The following PCDH11X variants were observed in gnomAD, a reference collection of about 807,000 sequenced individuals.
The protein encoded by PCDH11X is protocadherin 11 X-linked, also known as protocadherin-11 X-linked.
PCDH11X carries 18 observed loss-of-function variants against 53.3 expected under a neutral mutation model. The ratio of observed to expected loss-of-function variants is 0.34; its 90% CI spans 0.23 to 0.50. The LOEUF is 0.50. Among genes scored for constraint, PCDH11X ranks in the 20% least tolerant of loss-of-function variants. The probability of loss-of-function intolerance (pLI) is 0.98; values close to 1 mark genes in which losing one functional copy is unlikely to be tolerated. For missense variants in PCDH11X, 570 were observed against 1,032.4 expected (o/e 0.55, Z 6.14); for synonymous variants, 279 against 393.3 (o/e 0.71, Z 3.44).
At chrX:91,841,313 C>T (rs1023506116) in intron 5 of PCDH11X, among the ~76,000 whole-genome samples, 7 of 111,555 alleles carry the variant, frequency 6.3e-5, no homozygotes, top group African/African-American at 2.3e-4. Flanking sequence ...TATTAAAAAT[C>T]CCACAGTATG....
At chrX:92,025,380 C>G (rs1404286549) in intron 6 of PCDH11X, among the ~76,000 whole-genome samples, 2 of 103,590 alleles carry the variant, frequency 1.9e-5, no homozygotes, top group African/African-American at 7.0e-5. Context: ...ACAACCCCAT[C>G]AAAAAGTGGA....
At chrX:92,273,502 C>CTCAG (rs1221441893) in intron 8 of PCDH11X, among the ~76,000 whole-genome samples, 2 of 110,958 alleles carry the variant, frequency 1.8e-5, no homozygotes, top group Non-Finnish European at 3.8e-5. Flanking sequence ...TTGGCTTGGG[C>CTCAG]TCAGAGGCCT....
At chrX:92,511,945 G>A (rs1296057093) in intron 10 of PCDH11X, among the ~76,000 whole-genome samples, 3 of 105,721 alleles carry the variant, frequency 2.8e-5, no homozygotes, top group Non-Finnish European at 5.8e-5. Flanking sequence ...GCCTTTATCC[G>A]TGGCATCACA....
chrX:92,369,288 C>T (rs1389962335), intron 8 of PCDH11X, among the ~76,000 whole-genome samples: 2 of 109,906 alleles, frequency 1.8e-5, no homozygotes, highest in Non-Finnish European at 3.8e-5. Flanking sequence ...GCCCAGTCCA[C>T]ACCTCCCAGC....
chrX:92,378,424 A>G (rs1399788242), intron 8 of PCDH11X, among the ~76,000 whole-genome samples: 1 of 109,672 alleles, frequency 9.1e-6, no homozygotes. Flanking sequence ...TGATCATATT[A>G]AAATGCCAAA....
At chrX:91,899,666 C>T (rs1218239737) in intron 6 of PCDH11X, among the ~76,000 whole-genome samples, 1 of 110,696 alleles carries the variant, frequency 9.0e-6, no homozygotes, top group African/African-American at 3.3e-5. Context: ...ACACCAATCC[C>T]CAACCTAAAT....
intron 6 of PCDH11X, among the ~76,000 whole-genome samples, chrX:91,975,265 A>C (rs2062031370): frequency 8.9e-6 from 1 of 112,105 alleles, no homozygotes; most frequent in Non-Finnish European, 1.9e-5. Context: ...TGTGAAATGT[A>C]AGAAAAATAG....
chrX:92,395,884 A>T (rs182610913), intron 9 of PCDH11X, among the ~76,000 whole-genome samples: 1,451 of 109,053 alleles, frequency 0.013, 26 homozygotes, highest in African/African-American at 0.046. Context: ...CATTATCATC[A>T]CTCAAGGGGA....
At chrX:92,253,672 T>C (rs2067504205) in intron 7 of PCDH11X, among the ~76,000 whole-genome samples, 1 of 111,901 alleles carries the variant, frequency 8.9e-6, no homozygotes, top group Middle Eastern at 4.7e-3. Flanking sequence ...GTTAAGTTAA[T>C]TTCTGGATTT....
chrX:92,063,985 A>T, intron 6 of PCDH11X, among the ~76,000 whole-genome samples: 1 of 108,376 alleles, frequency 9.2e-6, no homozygotes, highest in Non-Finnish European at 1.9e-5. Flanking sequence ...ACTGGCTAAA[A>T]CACTTTCTTG....
At chrX:92,091,572 G>A (rs755381601) in intron 6 of PCDH11X, among the ~76,000 whole-genome samples, 1 of 111,350 alleles carries the variant, frequency 9.0e-6, no homozygotes, top group Non-Finnish European at 1.9e-5. Flanking sequence ...TATATTTTAG[G>A]AAGACATGAG....
At chrX:91,938,754 C>A (rs1170765895) in intron 6 of PCDH11X, among the ~76,000 whole-genome samples, 2 of 110,798 alleles carry the variant, frequency 1.8e-5, no homozygotes, top group African/African-American at 3.3e-5. Context: ...TTCTAAGGCA[C>A]TGAACAGAGT....
rs1274270371 is a variant in PCDH11X at position 92,622,420 on chromosome X, A to G, written c.*3480A>G. ...AGTTTTTTTTGTTTGTTTCTTTTTC[A>G]TGGTATTACTGAAGGTGTGTATACT... On this transcript the variant is annotated 3_prime_UTR_variant, in exon 11 of 11. Coordinates refer to ENST00000682573, the MANE Select transcript of PCDH11X (RefSeq NM_032968.5). 2 of 111,186 alleles carry G rather than the reference A, an allele frequency of 1.8e-5. No homozygotes were observed. Among genetic ancestry groups the G allele is most frequent in the Non-Finnish European group, 1.9e-5 (1 of 52,891 alleles). The allele number at this position is 111,186 out of a possible 1,213,427, so 9.2% of individuals were successfully genotyped here.
chrX:92,068,442 A>C (rs1385506801), intron 6 of PCDH11X, among the ~76,000 whole-genome samples: 2 of 108,074 alleles, frequency 1.9e-5, no homozygotes, highest in Non-Finnish European at 3.8e-5. Flanking sequence ...TCATTTAGGA[A>C]CATATTGTTT....
intron 9 of PCDH11X, among the ~76,000 whole-genome samples, chrX:92,424,218 A>T (rs2072052470): frequency 1.2e-5 from 1 of 81,315 alleles, no homozygotes. Context: ...AATCTCTCAT[A>T]TTTTCCTGAG....
chrX:92,213,938 C>A (rs1477748676), intron 7 of PCDH11X, among the ~76,000 whole-genome samples: 1 of 111,737 alleles, frequency 8.9e-6, no homozygotes, highest in African/African-American at 3.2e-5. Context: ...TCATATGAAT[C>A]ATTTGTTTAC....
At chrX:92,172,192 A>G (rs1487576758) in intron 6 of PCDH11X, among the ~76,000 whole-genome samples, 1 of 109,952 alleles carries the variant, frequency 9.1e-6, no homozygotes, top group African/African-American at 3.3e-5. Context: ...GCTGTGTAAA[A>G]GCATATATCC....
chrX:92,468,371 TAA>T, intron 10 of PCDH11X, 49 bp downstream of exon 10: 1 of 1,168,740 alleles, frequency 8.6e-7, no homozygotes, highest in South Asian at 2.0e-5. Flanking sequence ...TGTTTCATTT[TAA>T]AATGCAGTGC....
intron 7 of PCDH11X, among the ~76,000 whole-genome samples, chrX:92,246,393 C>T (rs1398082213): frequency 9.0e-6 from 1 of 111,391 alleles, no homozygotes; most frequent in Non-Finnish European, 1.9e-5. Flanking sequence ...CACTCTATCG[C>T]CCAGGCTGGA....
Sources: allele counts gnomAD v4.1 joint callset (sites outside exome capture counted in the v4.1 genomes callset), GRCh38; gene constraint gnomAD v4.1.1; transcripts MANE v1.5; gene names NCBI Gene and HGNC (gene_info 2026-07-23, HGNC 2026-07-21).